DLG5: variants seen among roughly 807,000 people sequenced by gnomAD.
DLG5 encodes discs large MAGUK scaffold protein 5.
A neutral mutation model predicts 189.8 loss-of-function variants in DLG5; 48 were observed. The observed-to-expected ratio is 0.25, with a 90% confidence interval of 0.20 to 0.32. The LOEUF is 0.32. DLG5 is among the 10% of genes least tolerant of loss of function. The probability of loss-of-function intolerance (pLI) is 1.00; values close to 1 mark genes in which losing one functional copy is unlikely to be tolerated. For synonymous variants in DLG5, 1,016 were observed against 1,054.1 expected (o/e 0.96, Z 0.70); for missense variants, 2,160 against 2,544.7 (o/e 0.85, Z 3.25).
chr10:77,918,037 C>A (rs201732155), intron 1 of DLG5, among the ~76,000 whole-genome samples: 3,495 of 148,160 alleles, frequency 0.024, 169 homozygotes, highest in African/African-American at 0.084. Context: ...AAACAAAAAA[C>A]AAAAAACTTA....
At chr10:77,850,649 T>C (rs1389256257) in intron 5 of DLG5, among the ~76,000 whole-genome samples, 1 of 152,140 alleles carries the variant, frequency 6.6e-6, no homozygotes, top group African/African-American at 2.4e-5. Flanking sequence ...CAACAACATA[T>C]GCAGGTCCCA....
chr10:77,799,404 C>T (rs1366356153), intron 27 of DLG5, among the ~76,000 whole-genome samples: 4 of 152,114 alleles, frequency 2.6e-5, no homozygotes, highest in African/African-American at 4.8e-5. Context: ...GATAGAACTG[C>T]GGCTTTTTAA....
intron 15 of DLG5, 108 bp from the exon 16 acceptor site, chr10:77,820,126 A>T: frequency 1.3e-6 from 2 of 1,487,716 alleles, no homozygotes; most frequent in Non-Finnish European, 9.0e-7. Flanking sequence ...CGGGCAGATC[A>T]CCTAAGGTCA....
At chr10:77,856,479 C>CACAT (rs1554824061) in intron 3 of DLG5, among the ~76,000 whole-genome samples, 1 of 151,500 alleles carries the variant, frequency 6.6e-6, no homozygotes, top group Admixed American at 6.6e-5. Flanking sequence ...CACACACACA[C>CACAT]GAGCTGACTT....
intron 26 of DLG5, 40 bp downstream of exon 26, chr10:77,806,718 A>G: frequency 7.5e-7 from 1 of 1,333,654 alleles, no homozygotes; most frequent in Non-Finnish European, 1.1e-6. Flanking sequence ...GCCCTCGGCG[A>G]CCCCTGCCCC....
chr10:77,900,769 T>C (rs1845901592), intron 1 of DLG5, among the ~76,000 whole-genome samples: 1 of 152,178 alleles, frequency 6.6e-6, no homozygotes, highest in African/African-American at 2.4e-5. Flanking sequence ...ACCCCATCTC[T>C]ACTAAAAATA....
intron 1 of DLG5, among the ~76,000 whole-genome samples, chr10:77,873,629 T>C (rs1439133134): frequency 6.6e-6 from 1 of 151,962 alleles, no homozygotes; most frequent in Admixed American, 6.6e-5. Context: ...CCAAGAGAGA[T>C]GGAAGCACGC....
chr10:77,858,934 G>A (rs1293630542), intron 2 of DLG5, among the ~76,000 whole-genome samples: 3 of 152,036 alleles, frequency 2.0e-5, no homozygotes, highest in Admixed American at 6.5e-5. Flanking sequence ...GTACAGTGGC[G>A]CAGTCTCAGC....
intron 1 of DLG5, among the ~76,000 whole-genome samples, chr10:77,881,379 A>G (rs1469910731): frequency 6.6e-6 from 1 of 152,144 alleles, no homozygotes; most frequent in African/African-American, 2.4e-5. Flanking sequence ...CAGGCATGCT[A>G]TCTCGTGGCC....
intron 29 of DLG5, among the ~76,000 whole-genome samples, chr10:77,795,778 C>T (rs562881388): frequency 7.2e-5 from 11 of 152,240 alleles, no homozygotes; most frequent in Admixed American, 2.6e-4. Context: ...CCGCAGAGCT[C>T]AATACTCTCA....
At chr10:77,824,535 C>G in intron 13 of DLG5, 59 bp from the exon 14 acceptor site, 1 of 1,380,414 alleles carries the variant, frequency 7.2e-7, no homozygotes, top group Non-Finnish European at 1.0e-6. Flanking sequence ...GCCTACCAGT[C>G]AGGATCTCTG....
intron 1 of DLG5, among the ~76,000 whole-genome samples, chr10:77,884,816 T>C (rs556611306): frequency 6.6e-6 from 1 of 152,202 alleles, no homozygotes; most frequent in South Asian, 2.1e-4. Flanking sequence ...CAAACATGCT[T>C]CCTCTCCGAT....
intron 1 of DLG5, among the ~76,000 whole-genome samples, chr10:77,872,844 T>A (rs1844956736): frequency 6.6e-6 from 1 of 152,060 alleles, no homozygotes; most frequent in South Asian, 2.1e-4. Flanking sequence ...TCTTCTGCCA[T>A]GGCCCAATCC....
intron 1 of DLG5, among the ~76,000 whole-genome samples, chr10:77,914,338 T>C (rs1187703877): frequency 6.6e-6 from 1 of 152,172 alleles, no homozygotes; most frequent in African/African-American, 2.4e-5. Flanking sequence ...GCTTGTTCTC[T>C]ACTCAGGGAC....
intron 1 of DLG5, among the ~76,000 whole-genome samples, chr10:77,892,115 ACAGCTTCCTGGGATGCCC>A (rs1417827925): frequency 2.0e-5 from 3 of 152,202 alleles, no homozygotes; most frequent in African/African-American, 4.8e-5. Context: ...ATGGGATGGC[ACAGCTTCCTGGGATGCCC>A]CAGCTTCCCG....
rs11002303 is a variant in DLG5 at position 77,814,857 on chromosome 10, C to A, written c.4025+1694G>T. On this transcript the variant is annotated intron_variant, in intron 20 of 31. Coordinates refer to ENST00000372391, the MANE Select transcript of DLG5 (RefSeq NM_004747.4). ...CCTTACAGGTGTGAACCACAGCACT[C>A]GGCCTTCTTTCTACTTTTCTATGTC... is the stretch of plus-strand genomic sequence containing the variant. 1.0e-3 allele frequency among the ~76,000 whole-genome samples: 158 copies of A among 152,196 alleles called. 1 individual carries two copies. The East Asian group carries it at 0.028, about 27-fold the overall frequency.
At chr10:77,822,209 T>A in intron 14 of DLG5, 108 bp from the exon 15 acceptor site, 1 of 1,266,634 alleles carries the variant, frequency 7.9e-7, no homozygotes, top group Non-Finnish European at 1.1e-6. Context: ...ATGGGCCACC[T>A]GCCCCTTAAA....
chr10:77,809,853 T>G, intron 23 of DLG5, 123 bp from the exon 24 acceptor site: 1 of 1,172,058 alleles, frequency 8.5e-7, no homozygotes, highest in Non-Finnish European at 1.2e-6. Context: ...CACAGGGAGC[T>G]GAGAGGTGGC....
intron 30 of DLG5, 150 bp downstream of exon 30, chr10:77,794,699 G>T (rs1840820091): frequency 3.2e-6 from 2 of 631,646 alleles, no homozygotes; most frequent in Admixed American, 5.6e-5. Context: ...ACAGGGAAGG[G>T]TCATTTTCTA....
Sources: allele counts gnomAD v4.1 joint callset (sites outside exome capture counted in the v4.1 genomes callset), GRCh38; gene constraint gnomAD v4.1.1; transcripts MANE v1.5; gene names NCBI Gene and HGNC (gene_info 2026-07-23, HGNC 2026-07-21).